Variants in PCDH11X observed in about 807,000 individuals in gnomAD.
The protein encoded by PCDH11X is protocadherin-11 X-linked.
A neutral mutation model predicts 53.3 loss-of-function variants in PCDH11X; 18 were observed. The observed-to-expected ratio is 0.34, with a 90% CI of 0.23 to 0.50. The LOEUF is 0.50. PCDH11X is among the 20% of genes least tolerant of loss of function. The probability of loss-of-function intolerance (pLI) is 0.98; values close to 1 mark genes in which losing one functional copy is unlikely to be tolerated. For missense variants in PCDH11X, 570 were observed against 1,032.4 expected, an observed-to-expected ratio of 0.55 and a Z score of 6.14; for synonymous variants, 279 against 393.3, an observed-to-expected ratio of 0.71 and a Z score of 3.44.
intron 6 of PCDH11X, among the ~76,000 whole-genome samples, chrX:92,143,852 C>T (rs779114476): frequency 9.0e-6 from 1 of 111,535 alleles, no homozygotes; most frequent in African/African-American, 3.3e-5. Context: ...ACACTCAATG[C>T]CAGTCCGTGA....
intron 10 of PCDH11X, among the ~76,000 whole-genome samples, chrX:92,617,635 A>G (rs1360206033): frequency 9.0e-6 from 1 of 110,816 alleles, no homozygotes; most frequent in African/African-American, 3.3e-5. Context: ...TCATAAAAAG[A>G]GTATTATAAA....
chrX:92,401,746 A>G (rs1229552637), intron 9 of PCDH11X, among the ~76,000 whole-genome samples: 1 of 112,543 alleles, frequency 8.9e-6, no homozygotes, highest in Non-Finnish European at 1.9e-5. Flanking sequence ...TATAACAAGT[A>G]ATTATCTAAT....
chrX:91,985,181 A>T (rs1439262647), intron 6 of PCDH11X, among the ~76,000 whole-genome samples: 1 of 112,271 alleles, frequency 8.9e-6, no homozygotes, highest in African/African-American at 3.2e-5. Flanking sequence ...ATTAACAGAA[A>T]TGGAAATCTA....
At chrX:92,040,434 G>A (rs1282968936) in intron 6 of PCDH11X, among the ~76,000 whole-genome samples, 1 of 108,363 alleles carries the variant, frequency 9.2e-6, no homozygotes, top group Non-Finnish European at 1.9e-5. Context: ...AGCCCAGCAA[G>A]ACTTTGCTCA....
chrX:92,385,065 C>T lies in PCDH11X; in HGVS notation c.3145-2670C>T, dbSNP rs1394899752. Among the ~76,000 whole-genome samples, 29 of 95,166 alleles carry T rather than the reference C, an allele frequency of 3.0e-4. 1 individual carries two copies. Among genetic ancestry groups the T allele is most frequent in the African/African-American group, 1.0e-3 (27 of 25,838 alleles). 82.6% of individuals were successfully genotyped at this position (95,166 alleles called of 115,157 possible). A position where few individuals can be genotyped will look rare whatever the true frequency, so the allele number is the denominator to read the frequency against. On this transcript the variant is annotated intron_variant, in intron 8 of 10. Transcript: ENST00000682573. ...TTTCAGTGTCTCAGTCATAATTTTG[C>T]AAAGGCGGTTTCACAAGGGCTTATT...
intron 7 of PCDH11X, among the ~76,000 whole-genome samples, chrX:92,206,711 G>C (rs1424719709): frequency 9.1e-6 from 1 of 109,943 alleles, no homozygotes; most frequent in African/African-American, 3.3e-5. Flanking sequence ...ATTTATAGTA[G>C]AGACAGTGTT....
intron 6 of PCDH11X, among the ~76,000 whole-genome samples, chrX:92,108,706 C>A (rs1460400349): frequency 9.0e-6 from 1 of 111,378 alleles, no homozygotes; most frequent in East Asian, 2.8e-4. Flanking sequence ...ACCTCTCATC[C>A]TTTGAAATAC....
chrX:91,979,346 A>G (rs2062091954), intron 6 of PCDH11X, among the ~76,000 whole-genome samples: 1 of 109,367 alleles, frequency 9.1e-6, no homozygotes, highest in Non-Finnish European at 1.9e-5. Context: ...GTTAAAGTGT[A>G]AATGCAAGAC....
chrX:92,128,537 A>G (rs1016795966), intron 6 of PCDH11X, among the ~76,000 whole-genome samples: 5 of 108,678 alleles, frequency 4.6e-5, no homozygotes, highest in African/African-American at 1.3e-4. Flanking sequence ...AGCTGGGATT[A>G]CAGGTGTGTG....
At position 92,083,649 on chromosome X, in the gene PCDH11X, G is replaced by T. The variant is rs186685682; in HGVS notation, c.3034-117726G>T. 2.2e-4 allele frequency among the ~76,000 whole-genome samples: 24 copies of T among 111,387 alleles called. No individual in the cohort carries two copies. In the East Asian group the frequency reaches 5.9e-3, roughly 28 times the overall value. On this transcript the variant is annotated intron_variant, in intron 6 of 10. Transcript: ENST00000682573. Reference sequence around the variant, plus strand: ...AAAGCTGCATTAACAGAGTTCAAAAGACCTCTAAAAATGTGTTTTACCATC... The same window carrying T: ...AAAGCTGCATTAACAGAGTTCAAAATACCTCTAAAAATGTGTTTTACCATC...
At chrX:92,133,645 C>T (rs1403201623) in intron 6 of PCDH11X, among the ~76,000 whole-genome samples, 17 of 112,436 alleles carry the variant, frequency 1.5e-4, no homozygotes, top group African/African-American at 3.6e-4. Context: ...TGATTACAGG[C>T]GTGAGCCACC....
At chrX:92,578,794 C>T (rs758388745) in intron 10 of PCDH11X, among the ~76,000 whole-genome samples, 2 of 104,504 alleles carry the variant, frequency 1.9e-5, no homozygotes, top group South Asian at 4.5e-4. Flanking sequence ...CATCATGATG[C>T]TAGCTAGTTA....
chrX:91,888,346 T>A (rs1196891597), intron 6 of PCDH11X, among the ~76,000 whole-genome samples: 1 of 112,018 alleles, frequency 8.9e-6, no homozygotes, highest in African/African-American at 3.2e-5. Context: ...TGAATACAGT[T>A]GACTTTTAAA....
chrX:92,409,208 AC>A (rs1337541956), intron 9 of PCDH11X, among the ~76,000 whole-genome samples: 2 of 109,562 alleles, frequency 1.8e-5, no homozygotes, highest in Non-Finnish European at 3.8e-5. Context: ...GAAGCTCTTT[AC>A]AAAACCAAAT....
rs746531056 is a variant in PCDH11X at position 92,052,000 on chromosome X, CA to C, written c.3034-149372del. On this transcript the variant is annotated intron_variant, in intron 6 of 10. Coordinates refer to ENST00000682573, the MANE Select transcript of PCDH11X (RefSeq NM_032968.5). Reference sequence around the variant, plus strand: ...TTCTTTAGTCTCCATCCAGTTCCAGCAAATGCTACTACATGCACACTGAGAA... The same window carrying C: ...TTCTTTAGTCTCCATCCAGTTCCAGCAATGCTACTACATGCACACTGAGAA... Among the ~76,000 whole-genome samples the C allele has an allele frequency of 1.9e-3, 209 of 109,029 alleles. 1 individual carries two copies. The highest frequency in any genetic ancestry group is 6.5e-3 in the African/African-American group (194 of 30,007). 94.7% of individuals were successfully genotyped at this position (109,029 alleles called of 115,157 possible). A position where few individuals can be genotyped will look rare whatever the true frequency, so the allele number is the denominator to read the frequency against.
intron 7 of PCDH11X, among the ~76,000 whole-genome samples, chrX:92,237,217 T>A (rs2067187798): frequency 9.0e-6 from 1 of 111,221 alleles, no homozygotes; most frequent in South Asian, 3.7e-4. Context: ...CTATTTATTT[T>A]AAATTTATAA....
In PCDH11X at chrX:91,817,653, A is replaced by G. The variant is rs1350092341; in HGVS notation, c.-45+6358A>G. Reference sequence around the variant, plus strand: ...GTGCTTAGTACAACTAAGGGATTGAATTTTTAATCTGACTTAAATTTAATT... The same window carrying G: ...GTGCTTAGTACAACTAAGGGATTGAGTTTTTAATCTGACTTAAATTTAATT... On this transcript the variant is annotated intron_variant, in intron 4 of 10. Transcript: ENST00000682573. 8.1e-5 allele frequency among the ~76,000 whole-genome samples: 9 copies of G among 111,391 alleles called. No homozygotes were observed. The East Asian group carries it at 2.0e-3, about 25-fold the overall frequency.
At chrX:92,052,613 CT>C (rs1351029558) in intron 6 of PCDH11X, among the ~76,000 whole-genome samples, 39 of 67,979 alleles carry the variant, frequency 5.7e-4, no homozygotes, top group African/African-American at 2.0e-3. Context: ...AGACACTAAC[CT>C]TGCAGACACA....
chrX:92,493,065 T>A (rs966741358), intron 10 of PCDH11X, among the ~76,000 whole-genome samples: 1 of 111,436 alleles, frequency 9.0e-6, no homozygotes, highest in African/African-American at 3.3e-5. Context: ...GTTTTCTTTT[T>A]TCAAACTCTG....
Sources: gnomAD v4.1 joint callset for allele counts (sites outside exome capture counted in the v4.1 genomes callset) on GRCh38, gnomAD v4.1.1 for gene constraint, MANE v1.5 for transcripts, NCBI Gene and HGNC (gene_info 2026-07-23, HGNC 2026-07-21) for gene names.